RBM10: variants seen among roughly 807,000 people sequenced by gnomAD.
RBM10 encodes the protein RNA-binding protein 10.
Under a neutral mutation model 84.9 loss-of-function variants are expected in RBM10, and 1 was observed. The ratio of observed to expected loss-of-function variants is 0.01; its 90% CI spans 0.00 to 0.06. The LOEUF is 0.06. RBM10 is among the 10% of genes least tolerant of loss of function. The probability of loss-of-function intolerance (pLI) is 1.00; values close to 1 mark genes in which losing one functional copy is unlikely to be tolerated. For missense variants in RBM10, 438 were observed against 839.0 expected, an observed-to-expected ratio of 0.52 and a Z score of 5.90; for synonymous variants, 326 against 344.5, an observed-to-expected ratio of 0.95 and a Z score of 0.60.
Position 47,173,294 on chromosome X carries a change from C to T in RBM10, c.502+97C>T. ...CCTTCTCCCCCACTCCCTCCACCAC[C>T]TTCCTGCCACAGCTGGGAATGGGCA... is the stretch of plus-strand genomic sequence containing the variant. On this transcript the variant is annotated intron_variant, in intron 5 of 23. Transcript: ENST00000377604. 7 of 1,170,734 alleles carry T rather than the reference C, an allele frequency of 6.0e-6. No homozygotes were observed. In the South Asian group the frequency reaches 1.1e-4, roughly 19 times the overall value.
chrX:47,172,679 CTT>C (rs1360592305), intron 4 of RBM10, among the ~76,000 whole-genome samples: 1 of 112,847 alleles, frequency 8.9e-6, no homozygotes, highest in Non-Finnish European at 1.9e-5. Flanking sequence ...TCATGGATCT[CTT>C]TTGACGCAAG....
intron 7 of RBM10, among the ~76,000 whole-genome samples, chrX:47,177,188 C>T (rs1556776624): frequency 8.9e-6 from 1 of 112,485 alleles, no homozygotes; most frequent in African/African-American, 3.2e-5. Context: ...AAGAAAAGCA[C>T]AGAGCGTTCT....
At chrX:47,170,446 G>A (rs782189926) in intron 3 of RBM10, among the ~76,000 whole-genome samples, 55 of 113,294 alleles carry the variant, frequency 4.9e-4, no homozygotes, top group Middle Eastern at 9.1e-3. Flanking sequence ...CAGCCATACC[G>A]TTTTGAGCGT....
intron 12 of RBM10, among the ~76,000 whole-genome samples, chrX:47,180,958 CCA>C (rs782067993): frequency 1.3e-4 from 14 of 111,785 alleles, no homozygotes; most frequent in Admixed American, 9.5e-4. Context: ...AACACACACG[CCA>C]CACACAGCAG....
chrX:47,163,692 ATTAGAAACTT>A (rs1228370301), intron 2 of RBM10, among the ~76,000 whole-genome samples: 1 of 108,785 alleles, frequency 9.2e-6, no homozygotes, highest in Non-Finnish European at 1.9e-5. Context: ...ACAACAAAAG[ATTAGAAACTT>A]TTTTTTTTGA....
intron 2 of RBM10, chrX:47,157,390 C>G (rs782512624): frequency 6.3e-6 from 2 of 315,706 alleles, no homozygotes; most frequent in Non-Finnish European, 1.2e-5. Context: ...GTAGACATCT[C>G]GTGAGAGTTG....
rs1403477088 is a variant in RBM10 at position 47,157,006 on chromosome X, C to T, written c.17+9508C>T. 2.5e-5 allele frequency: 7 copies of T among 283,668 alleles called. No individual in the cohort carries two copies. The East Asian group carries it at 2.7e-4, about 11-fold the overall frequency. 23.4% of individuals were successfully genotyped at this position (283,668 alleles called of 1,213,427 possible). Reference sequence around the variant, plus strand: ...GCTGGGAAGGCGTTGATGTCGATGACGGCATGCTGCCCCATCTGGTTGTTG... The same window carrying T: ...GCTGGGAAGGCGTTGATGTCGATGATGGCATGCTGCCCCATCTGGTTGTTG... On this transcript the variant is annotated intron_variant, in intron 2 of 23. Transcript: ENST00000377604.
At position 47,180,514 on chromosome X, in the gene RBM10, G is replaced by C. The variant is rs2147180887; in HGVS notation, c.1248+8G>C. 8.3e-7 allele frequency: 1 copy of C among 1,209,371 alleles called. No homozygotes were observed. The highest frequency in any genetic ancestry group is 1.1e-6 in the Non-Finnish European group (1 of 894,812). Reference sequence around the variant, plus strand: ...CAGTGGGCCATCTCACAGGTACTCAGACCCCTTGTGCCTCCCAGCGTCCTG... The same window carrying C: ...CAGTGGGCCATCTCACAGGTACTCACACCCCTTGTGCCTCCCAGCGTCCTG... On this transcript the variant is annotated splice_region_variant and intron_variant, in intron 12 of 23. Transcript: ENST00000377604.
At chrX:47,172,890 T>C (rs1039411200) in intron 4 of RBM10, among the ~76,000 whole-genome samples, 7 of 112,574 alleles carry the variant, frequency 6.2e-5, no homozygotes, top group Non-Finnish European at 1.3e-4. Flanking sequence ...TGCTTTACCT[T>C]GCTCTGTGCC....
rs782524538 is a variant in RBM10 at position 47,179,170 on chromosome X, C to A, written c.724+7C>A. 1.7e-6 allele frequency: 2 copies of A among 1,207,047 alleles called. No individual in the cohort carries two copies. The highest frequency in any genetic ancestry group is 2.2e-6 in the Non-Finnish European group (2 of 893,490). ...TGTGGCGTGCCCAAGTCAGGTGAGG[C>A]CCACCTACCTCTCGTGCTCTCCAGG... On this transcript the variant is annotated splice_region_variant and intron_variant, in intron 8 of 23. Coordinates refer to ENST00000377604, the MANE Select transcript of RBM10 (RefSeq NM_005676.5).
At chrX:47,182,118 A>G in intron 16 of RBM10, 44 bp from the exon 17 acceptor site, 1 of 1,211,434 alleles carries the variant, frequency 8.3e-7, no homozygotes, top group East Asian at 3.0e-5. Flanking sequence ...GGTTCCCTTC[A>G]CAAGGTCTTC....
At position 47,170,557 on chromosome X, in the gene RBM10, G is replaced by A. The variant is rs188354787; in HGVS notation, c.202-471G>A. On this transcript the variant is annotated intron_variant, in intron 3 of 23. Transcript: ENST00000377604. ...CCACCAGCTCCTGCTGCCTGGCTCT[G>A]GCTGAGATCTGAAGCTGTTCTTATG... is the stretch of plus-strand genomic sequence containing the variant. 4.4e-5 allele frequency among the ~76,000 whole-genome samples: 5 copies of A among 112,902 alleles called. No homozygotes were observed. In the Admixed American group the frequency reaches 4.6e-4, roughly 10 times the overall value.
intron 2 of RBM10, among the ~76,000 whole-genome samples, chrX:47,158,479 G>C (rs921458266): frequency 1.8e-5 from 2 of 112,003 alleles, no homozygotes; most frequent in Non-Finnish European, 3.8e-5. Flanking sequence ...TCGGCTCACT[G>C]TAACCTCCGC....
rs1393779098 is a variant in RBM10 at position 47,180,325 on chromosome X, G to A, written c.1160+16G>A. The A allele has an allele frequency of 8.5e-7, 1 of 1,177,785 alleles. No individual in the cohort carries two copies. The highest frequency in any genetic ancestry group is 1.1e-6 in the Non-Finnish European group (1 of 876,490). On this transcript the variant is annotated intron_variant, in intron 11 of 23. Transcript: ENST00000377604. ...GTTCTAAGAGGTCAGGGCCCCACCTGTGTGCCTTCCCACCCTTCCCCTCCC... is the reference window on the plus strand; with the variant it reads ...GTTCTAAGAGGTCAGGGCCCCACCTATGTGCCTTCCCACCCTTCCCCTCCC...
chrX:47,181,081 G>A, intron 12 of RBM10, 134 bp from the exon 13 acceptor site: 2 of 476,762 alleles, frequency 4.2e-6, no homozygotes, highest in South Asian at 6.5e-5. Flanking sequence ...CTTTCCACTT[G>A]TCTTAAGGCT....
chrX:47,145,956 G>A (rs1256533557), intron 1 of RBM10, among the ~76,000 whole-genome samples: 1 of 105,654 alleles, frequency 9.5e-6, no homozygotes, highest in African/African-American at 3.5e-5. Flanking sequence ...GAGGGGGGGC[G>A]GTCTGTGACT....
chrX:47,166,921 G>A (rs1208115278), intron 2 of RBM10, among the ~76,000 whole-genome samples: 2 of 109,294 alleles, frequency 1.8e-5, no homozygotes, highest in Non-Finnish European at 3.8e-5. Flanking sequence ...GACTACAGGT[G>A]CGTGTCACCA....
chrX:47,145,443 G>C lies in RBM10; in HGVS notation c.-168G>C. ...GTTGGAGGAGGTGGCGGCGGGCAGA[G>C]GTGATGTCTGGGAGCCCTTCCTTGA... On this transcript the variant is annotated 5_prime_UTR_variant, in exon 1 of 24. Transcript: ENST00000377604. 8.7e-7 allele frequency: 1 copy of C among 1,154,734 alleles called. No individual in the cohort carries two copies. Among genetic ancestry groups the C allele is most frequent in the East Asian group, 3.3e-5 (1 of 30,723 alleles).
intron 2 of RBM10, among the ~76,000 whole-genome samples, chrX:47,155,529 A>G (rs959764861): frequency 1.8e-5 from 2 of 108,478 alleles, no homozygotes; most frequent in African/African-American, 3.4e-5. Flanking sequence ...TCAGGAGATC[A>G]AGACCATCCT....
Sources: gnomAD v4.1 joint callset for allele counts (sites outside exome capture counted in the v4.1 genomes callset) on GRCh38, gnomAD v4.1.1 for gene constraint, MANE v1.5 for transcripts, NCBI Gene and HGNC (gene_info 2026-07-23, HGNC 2026-07-21) for gene names.